Variants in RUFY2 observed in about 807,000 individuals in gnomAD.
RUFY2 encodes RUN and FYVE domain containing 2, also known as RUN and FYVE domain-containing protein 2.
In RUFY2, 49 loss-of-function variants were observed where a neutral mutation model predicts 94.4. The observed-to-expected ratio is 0.52, with a 90% CI of 0.41 to 0.66. The LOEUF (loss-of-function observed/expected upper bound fraction) is 0.66. Among genes scored for constraint, RUFY2 ranks in the 30% least tolerant of loss-of-function variants. RUFY2 has a pLI of 0.00. For synonymous variants in RUFY2, 255 were observed against 235.7 expected, an observed-to-expected ratio of 1.08 and a Z score of -0.75; for missense variants, 541 against 692.8, an observed-to-expected ratio of 0.78 and a Z score of 2.46.
chr10:68,358,208 C>G (rs2047189602), intron 15 of RUFY2, among the ~76,000 whole-genome samples: 1 of 151,924 alleles, frequency 6.6e-6, no homozygotes, highest in Admixed American at 6.6e-5. Flanking sequence ...AACAAACAAA[C>G]AAACAACAAC....
chr10:68,355,321 AC>A, intron 16 of RUFY2, 31 bp downstream of exon 16: 1 of 1,540,262 alleles, frequency 6.5e-7, no homozygotes, highest in South Asian at 1.1e-5. Flanking sequence ...ACTTTCACAT[AC>A]CTTCCCACTT....
intron 16 of RUFY2, among the ~76,000 whole-genome samples, chr10:68,352,727 G>A (rs1485085885): frequency 2.6e-5 from 4 of 151,460 alleles, no homozygotes; most frequent in South Asian, 2.1e-4. Context: ...TCAGGAGTTC[G>A]AGACAAGCCT....
At chr10:68,385,212 C>T (rs996776221) in intron 8 of RUFY2, among the ~76,000 whole-genome samples, 1 of 151,078 alleles carries the variant, frequency 6.6e-6, no homozygotes, top group African/African-American at 2.4e-5. Flanking sequence ...TGCAGTGAGC[C>T]GAGATCGCGC....
In RUFY2 at chr10:68,377,510, C is replaced by T. The variant is rs1564817897; in HGVS notation, c.1206-538G>A. The T allele has an allele frequency of 3.1e-6, 3 of 981,086 alleles. No homozygotes were observed. In the African/African-American group the frequency reaches 5.5e-5, roughly 18 times the overall value. The allele number at this position is 981,086 out of a possible 1,614,324, so 60.8% of individuals were successfully genotyped here. ...ATGCATTTACTAAATTATGCCGAAG[C>T]TCTGTGTGTGTGTGTGTGTGCACGT... On this transcript the variant is annotated intron_variant, in intron 12 of 17. Transcript: ENST00000602465.
At chr10:68,407,117 C>T in intron 1 of RUFY2, 69 bp downstream of exon 1, 1 of 1,515,522 alleles carries the variant, frequency 6.6e-7, no homozygotes, top group Non-Finnish European at 8.8e-7. Context: ...TCCCAGTCCA[C>T]CCCGCCTGGC....
At chr10:68,359,801 A>T (rs1257555096) in intron 15 of RUFY2, among the ~76,000 whole-genome samples, 1 of 151,452 alleles carries the variant, frequency 6.6e-6, no homozygotes, top group Non-Finnish European at 1.5e-5. Context: ...AAAAAAAAAA[A>T]AGATAGATTT....
Position 68,393,221 on chromosome 10 carries a change from T to A in RUFY2, c.585-18A>T. On this transcript the variant is annotated intron_variant, in intron 6 of 17. Coordinates refer to ENST00000602465, the MANE Select transcript of RUFY2 (RefSeq NM_001330103.2). ...GAACATTCCTAAATGAGGAAAAAAGTAGCTTTGTGCTAGTTGAAAAGGTAT... is the reference window on the plus strand; with the variant it reads ...GAACATTCCTAAATGAGGAAAAAAGAAGCTTTGTGCTAGTTGAAAAGGTAT... 1 of 1,455,314 alleles carries A rather than the reference T, an allele frequency of 6.9e-7. No individual in the cohort carries two copies. Among genetic ancestry groups the A allele is most frequent in the Non-Finnish European group, 9.4e-7 (1 of 1,058,202 alleles). The allele number at this position is 1,455,314 out of a possible 1,614,324, so 90.2% of individuals were successfully genotyped here.
At chr10:68,380,200 T>G (rs1009627491) in intron 11 of RUFY2, among the ~76,000 whole-genome samples, 1 of 150,346 alleles carries the variant, frequency 6.7e-6, no homozygotes, top group East Asian at 2.0e-4. Flanking sequence ...TCGGCCTCCC[T>G]AAGTGCTAGG....
intron 12 of RUFY2, chr10:68,377,313 C>A: frequency 9.1e-7 from 1 of 1,096,574 alleles, no homozygotes; most frequent in Non-Finnish European, 1.1e-6. Flanking sequence ...ATGTTACTAC[C>A]TTTTTACAAA....
chr10:68,356,951 G>A (rs2047094973), intron 15 of RUFY2, among the ~76,000 whole-genome samples: 1 of 151,700 alleles, frequency 6.6e-6, no homozygotes, highest in Non-Finnish European at 1.5e-5. Context: ...CCTGAGGTCA[G>A]GAAGGAGTTC....
intron 16 of RUFY2, among the ~76,000 whole-genome samples, chr10:68,348,628 T>C (rs576649889): frequency 6.6e-6 from 1 of 152,102 alleles, no homozygotes; most frequent in South Asian, 2.1e-4. Context: ...AGCCACCTAG[T>C]GGAAGCAGCT....
chr10:68,374,165 G>C (rs1024306553), intron 13 of RUFY2, among the ~76,000 whole-genome samples: 8 of 149,264 alleles, frequency 5.4e-5, no homozygotes, highest in Non-Finnish European at 1.0e-4. Flanking sequence ...GCCAGGGATG[G>C]TGGCTCACAC....
intron 13 of RUFY2, among the ~76,000 whole-genome samples, chr10:68,373,683 G>A (rs1291398223): frequency 6.6e-6 from 1 of 152,164 alleles, no homozygotes; most frequent in South Asian, 2.1e-4. Flanking sequence ...GAGGCAGGAA[G>A]ATCTCTTGAG....
intron 3 of RUFY2, among the ~76,000 whole-genome samples, chr10:68,401,407 T>G (rs2050838866): frequency 6.6e-6 from 1 of 152,050 alleles, no homozygotes; most frequent in Non-Finnish European, 1.5e-5. Flanking sequence ...GAATGGTGAG[T>G]GGTTAATTTT....
At chr10:68,357,416 A>C (rs2047138580) in intron 15 of RUFY2, among the ~76,000 whole-genome samples, 1 of 151,758 alleles carries the variant, frequency 6.6e-6, no homozygotes, top group African/African-American at 2.4e-5. Context: ...TTTAGTAGAG[A>C]CGGGGTTTTT....
chr10:68,345,658 C>A lies in RUFY2; in HGVS notation c.*110G>T. The A allele has an allele frequency of 1.1e-6, 1 of 885,078 alleles. No homozygotes were observed. The highest frequency in any genetic ancestry group is 1.8e-6 in the Non-Finnish European group (1 of 567,972). 54.8% of individuals were successfully genotyped at this position (885,078 alleles called of 1,614,324 possible). On this transcript the variant is annotated 3_prime_UTR_variant, in exon 18 of 18. Coordinates refer to ENST00000602465, the MANE Select transcript of RUFY2 (RefSeq NM_001330103.2). ...TGAATATGTAGAAGATAAACTGGTA[C>A]CAAATACTGACCGAAAGCCGCTTAA...
chr10:68,390,324 C>A (rs899559630), intron 7 of RUFY2, among the ~76,000 whole-genome samples: 8 of 152,038 alleles, frequency 5.3e-5, no homozygotes, highest in African/African-American at 1.7e-4. Context: ...TACATATTCA[C>A]TGAGTAGTAC....
chr10:68,376,814 G>A (rs1291246663), intron 13 of RUFY2, 39 bp downstream of exon 13: 2 of 1,587,512 alleles, frequency 1.3e-6, no homozygotes, highest in East Asian at 4.5e-5. Flanking sequence ...AGGGGGTTAT[G>A]TTAACACAAG....
At chr10:68,394,035 T>C (rs753768654) in intron 6 of RUFY2, 40 bp downstream of exon 6, 5 of 1,484,966 alleles carry the variant, frequency 3.4e-6, no homozygotes, top group South Asian at 2.6e-5. Context: ...AAGAGCTATA[T>C]AAAAAACCCA....
Sources: allele counts gnomAD v4.1 joint callset (sites outside exome capture counted in the v4.1 genomes callset), GRCh38; gene constraint gnomAD v4.1.1; transcripts MANE v1.5; gene names NCBI Gene and HGNC (gene_info 2026-07-23, HGNC 2026-07-21).